Variants in GALNT13 observed in about 807,000 individuals in gnomAD.
GALNT13 encodes the protein polypeptide N-acetylgalactosaminyltransferase 13.
A neutral mutation model predicts 64.2 loss-of-function variants in GALNT13; 28 were observed. The observed-to-expected ratio is 0.44, with a 90% CI of 0.32 to 0.60. The LOEUF (loss-of-function observed/expected upper bound fraction) is 0.60, where lower values mean the gene tolerates loss of function less well. Among genes scored for constraint, GALNT13 ranks in the 20% least tolerant of loss-of-function variants. The pLI is 0.05. For synonymous variants in GALNT13, 214 were observed against 224.6 expected, an observed-to-expected ratio of 0.95 and a Z score of 0.42; for missense variants, 577 against 669.8, an observed-to-expected ratio of 0.86 and a Z score of 1.53.
At chr2:154,128,331 A>G (rs1160612216) in intron 3 of GALNT13, among the ~76,000 whole-genome samples, 1 of 152,118 alleles carries the variant, frequency 6.6e-6, no homozygotes, top group Non-Finnish European at 1.5e-5. Flanking sequence ...GATCAGGAAT[A>G]GTATATGACC....
intron 3 of GALNT13, among the ~76,000 whole-genome samples, chr2:154,075,115 T>C (rs1302693631): frequency 6.6e-6 from 1 of 151,878 alleles, no homozygotes; most frequent in East Asian, 1.9e-4. Context: ...AAGCTATCTC[T>C]CTTCATGGAT....
rs556450558 is a variant in GALNT13, at chr2:154,170,957, C to A, written c.311+30452C>A. Among the ~76,000 whole-genome samples, 47 of 152,198 alleles carry A rather than the reference C, an allele frequency of 3.1e-4. 1 individual carries two copies. The East Asian group carries it at 8.5e-3, about 28-fold the overall frequency. On this transcript the variant is annotated intron_variant, in intron 4 of 12. Transcript: ENST00000392825. Reference sequence around the variant, plus strand: ...CAATGCAGAAGTCTTGGGTCAAACCCAAAATCTTATAAGCAGTAGTTGTTT... The same window carrying A: ...CAATGCAGAAGTCTTGGGTCAAACCAAAAATCTTATAAGCAGTAGTTGTTT...
the GALNT13 span, among the ~76,000 whole-genome samples, chr2:153,660,275 G>A: frequency 6.6e-6 from 1 of 152,084 alleles, no homozygotes; most frequent in African/African-American, 2.4e-5. Flanking sequence ...CAAGGAGCCA[G>A]GCAGACTTGA....
the GALNT13 span, among the ~76,000 whole-genome samples, chr2:153,661,350 C>T: frequency 1.6e-4 from 25 of 152,072 alleles, no homozygotes; most frequent in South Asian, 4.8e-3. Flanking sequence ...ATCACTGGGA[C>T]CTGAAGATAA....
intron 4 of GALNT13, among the ~76,000 whole-genome samples, chr2:154,152,727 T>G (rs1316914036): frequency 6.6e-6 from 1 of 152,222 alleles, no homozygotes; most frequent in East Asian, 1.9e-4. Context: ...TCGCATCGGC[T>G]CCTGACACTT....
At chr2:153,226,398 A>C in the GALNT13 span, among the ~76,000 whole-genome samples, 712 of 152,336 alleles carry the variant, frequency 4.7e-3, 5 homozygotes, top group African/African-American at 0.016. Context: ...AAAGTATGGA[A>C]AGATAAAAAA....
chr2:153,496,993 CAA>C, the GALNT13 span, among the ~76,000 whole-genome samples: 43,827 of 90,112 alleles, frequency 0.49, 6,218 homozygotes, highest in East Asian at 0.68. Flanking sequence ...GATTTTGTCT[CAA>C]AAAAAAAAAA....
chr2:154,264,466 CAAAAAAAA>C (rs3078698), intron 8 of GALNT13, among the ~76,000 whole-genome samples: 9 of 123,478 alleles, frequency 7.3e-5, no homozygotes, highest in Non-Finnish European at 9.9e-5. Flanking sequence ...ACTAAAAATA[CAAAAAAAA>C]AAAAAAAAAA....
the GALNT13 span, among the ~76,000 whole-genome samples, chr2:153,758,626 T>TC: frequency 1.3e-5 from 2 of 152,276 alleles, no homozygotes; most frequent in African/African-American, 4.8e-5. Context: ...AGAGTCTCAC[T>TC]TTGTCACCCA....
At chr2:153,282,116 A>G in the GALNT13 span, among the ~76,000 whole-genome samples, 2 of 152,128 alleles carry the variant, frequency 1.3e-5, no homozygotes, top group South Asian at 4.2e-4. Context: ...AAAAATCTTA[A>G]AAAATTTTTT....
the GALNT13 span, among the ~76,000 whole-genome samples, chr2:153,471,778 C>T: frequency 6.6e-6 from 1 of 152,134 alleles, no homozygotes; most frequent in Non-Finnish European, 1.5e-5. Context: ...GCATATATCT[C>T]AAGATACAGA....
chr2:153,544,272 A>G, the GALNT13 span, among the ~76,000 whole-genome samples: 1 of 152,180 alleles, frequency 6.6e-6, no homozygotes, highest in Non-Finnish European at 1.5e-5. Context: ...ATTATTAACA[A>G]TTTCCCTAAA....
At chr2:153,215,414 G>A in the GALNT13 span, among the ~76,000 whole-genome samples, 1 of 152,074 alleles carries the variant, frequency 6.6e-6, no homozygotes, top group Admixed American at 6.5e-5. Context: ...TAAAACTGGG[G>A]TACTGTGAAG....
chr2:153,676,025 C>A, the GALNT13 span, among the ~76,000 whole-genome samples: 1 of 151,748 alleles, frequency 6.6e-6, no homozygotes, highest in Non-Finnish European at 1.5e-5. Context: ...CAGAGCTGAA[C>A]CATATAAAAT....
the GALNT13 span, among the ~76,000 whole-genome samples, chr2:153,585,608 G>A: frequency 1.3e-5 from 2 of 152,194 alleles, no homozygotes; most frequent in South Asian, 4.1e-4. Context: ...TGTAAAAAAC[G>A]AGTTTGCCGC....
the GALNT13 span, among the ~76,000 whole-genome samples, chr2:153,432,919 G>A: frequency 4.9e-3 from 751 of 152,056 alleles, 7 homozygotes; most frequent in African/African-American, 0.017. Flanking sequence ...TTGATTTAAT[G>A]ACCTACCTAA....
intron 8 of GALNT13, chr2:154,286,824 C>A (rs1692293207): frequency 3.0e-6 from 1 of 334,362 alleles, no homozygotes; most frequent in South Asian, 2.7e-5. Flanking sequence ...ATGTGCCAGT[C>A]ATCACTGGTA....
At chr2:153,873,119 C>G (rs1319523257) in intron 1 of GALNT13, among the ~76,000 whole-genome samples, 1 of 152,180 alleles carries the variant, frequency 6.6e-6, no homozygotes, top group Admixed American at 6.5e-5. Flanking sequence ...CGAACACCAG[C>G]CCCGCGATCC....
intron 3 of GALNT13, among the ~76,000 whole-genome samples, chr2:154,136,931 A>G (rs1249283573): frequency 6.6e-6 from 1 of 152,050 alleles, no homozygotes; most frequent in Non-Finnish European, 1.5e-5. Flanking sequence ...GTAGATAAAT[A>G]GCACACATAT....
Sources: allele counts gnomAD v4.1 joint callset (sites outside exome capture counted in the v4.1 genomes callset), GRCh38; gene constraint gnomAD v4.1.1; transcripts MANE v1.5; gene names NCBI Gene and HGNC (gene_info 2026-07-23, HGNC 2026-07-21).